IPO11: variants seen among roughly 807,000 people sequenced by gnomAD.
IPO11 encodes importin 11.
In IPO11, 66 loss-of-function variants were observed where a neutral mutation model predicts 143.2. The observed-to-expected ratio is 0.46, with a 90% CI of 0.38 to 0.57. IPO11 has a LOEUF of 0.57. Among genes scored for constraint, IPO11 ranks in the 20% least tolerant of loss-of-function variants. IPO11 has a pLI of 0.00. For synonymous variants in IPO11, 385 were observed against 377.8 expected (o/e 1.02, Z -0.22); for missense variants, 1,026 against 1,141.0 (o/e 0.90, Z 1.45).
At chr5:62,482,922 C>T (rs1242407436) in intron 9 of IPO11, among the ~76,000 whole-genome samples, 179 bp from the exon 10 acceptor site, 1 of 151,840 alleles carries the variant, frequency 6.6e-6, no homozygotes, top group Non-Finnish European at 1.5e-5. Flanking sequence ...TAACATAATC[C>T]TCATTATATG....
chr5:62,516,359 T>C (rs917251526), intron 20 of IPO11, among the ~76,000 whole-genome samples: 5 of 152,132 alleles, frequency 3.3e-5, no homozygotes, highest in African/African-American at 1.2e-4. Flanking sequence ...AGTGGCGCGA[T>C]CTTGGCTCAC....
At chr5:62,468,163 G>T (rs144607856) in intron 6 of IPO11, among the ~76,000 whole-genome samples, 280 of 152,200 alleles carry the variant, frequency 1.8e-3, no homozygotes, top group African/African-American at 6.5e-3. Flanking sequence ...TGATCCTCCT[G>T]CCTTGACCTC....
chr5:62,546,166 C>T (rs1358772865), intron 24 of IPO11, among the ~76,000 whole-genome samples: 1 of 152,202 alleles, frequency 6.6e-6, no homozygotes, highest in East Asian at 1.9e-4. Context: ...TATTGCAGCA[C>T]TATTCACAAT....
intron 1 of IPO11, among the ~76,000 whole-genome samples, chr5:62,430,270 G>A (rs1285972422): frequency 2.6e-5 from 4 of 152,120 alleles, no homozygotes; most frequent in Admixed American, 2.6e-4. Flanking sequence ...TTCCAAAGTC[G>A]CTGTTTTACA....
At chr5:62,566,014 T>TACC (rs1484099023) in intron 27 of IPO11, among the ~76,000 whole-genome samples, 1 of 152,218 alleles carries the variant, frequency 6.6e-6, no homozygotes, top group African/African-American at 2.4e-5. Context: ...ACATTTCCTT[T>TACC]ATCCAGTCTA....
intron 1 of IPO11, among the ~76,000 whole-genome samples, chr5:62,425,243 T>A (rs183216630): frequency 2.0e-5 from 3 of 152,296 alleles, no homozygotes; most frequent in African/African-American, 7.2e-5. Flanking sequence ...CCAACCCTCC[T>A]TGGGGGGAAA....
intron 27 of IPO11, among the ~76,000 whole-genome samples, chr5:62,586,703 A>T (rs1446230007): frequency 1.4e-5 from 2 of 144,258 alleles, no homozygotes; most frequent in East Asian, 2.0e-4. Context: ...GTGAGCTGAG[A>T]TCACGCCATT....
intron 27 of IPO11, 91 bp from the exon 28 acceptor site, chr5:62,591,481 TTTCTC>T (rs1324815415): frequency 2.9e-6 from 2 of 678,862 alleles, no homozygotes; most frequent in Admixed American, 6.9e-5. Context: ...ACAGCTGAAA[TTTCTC>T]TTCATGTTCG....
chr5:62,435,156 ATATATGTATATATATG>A (rs1744158097), intron 1 of IPO11, among the ~76,000 whole-genome samples: 1 of 118,214 alleles, frequency 8.5e-6, no homozygotes, highest in African/African-American at 3.6e-5. Context: ...ATATATGTAT[ATATATGTATATATATG>A]TATATATGTA....
chr5:62,537,163 A>G, intron 23 of IPO11, 46 bp from the exon 24 acceptor site: 1 of 1,118,140 alleles, frequency 8.9e-7, no homozygotes, highest in Non-Finnish European at 1.3e-6. Flanking sequence ...CCTTTTTGAT[A>G]TTACAGATAT....
chr5:62,620,516 CTAAAAA>C (rs1267524920), intron 29 of IPO11, among the ~76,000 whole-genome samples: 1 of 79,118 alleles, frequency 1.3e-5, no homozygotes, highest in Non-Finnish European at 2.3e-5. Flanking sequence ...GAGACTCTGT[CTAAAAA>C]AAAAAAAAAA....
intron 27 of IPO11, among the ~76,000 whole-genome samples, chr5:62,579,136 G>C (rs574747972): frequency 1.0e-3 from 158 of 152,044 alleles, no homozygotes; most frequent in Non-Finnish European, 1.1e-3. Context: ...CACCTGTGTT[G>C]TAATCAATTG....
chr5:62,559,244 A>G (rs1743683278), intron 26 of IPO11, among the ~76,000 whole-genome samples: 1 of 152,130 alleles, frequency 6.6e-6, no homozygotes, highest in South Asian at 2.1e-4. Context: ...GATTGACTCC[A>G]GTTGTGACAG....
chr5:62,519,841 C>T (rs768238481), intron 20 of IPO11, among the ~76,000 whole-genome samples: 32 of 152,272 alleles, frequency 2.1e-4, no homozygotes, highest in African/African-American at 6.5e-4. Flanking sequence ...AATCTGTTTC[C>T]GTACTCATTC....
intron 20 of IPO11, among the ~76,000 whole-genome samples, chr5:62,525,287 TAC>T (rs1345151530): frequency 6.6e-6 from 1 of 152,204 alleles, no homozygotes; most frequent in African/African-American, 2.4e-5. Context: ...GGAATTGTTA[TAC>T]ACACTTCTGC....
rs1278285234 is a variant in IPO11, at chr5:62,478,149, G to GT, written c.828+1397dup. On this transcript the variant is annotated intron_variant, in intron 9 of 29. Coordinates refer to ENST00000325324, the MANE Select transcript of IPO11 (RefSeq NM_016338.5). Reference sequence around the variant, plus strand: ...ATATTTGAGTGCGTGTCTTTAAGTGGTAGGGTTGTTTTGTTTTGTGTGTGT... The same window carrying GT: ...ATATTTGAGTGCGTGTCTTTAAGTGGTTAGGGTTGTTTTGTTTTGTGTGTGT... 1.2e-4 allele frequency among the ~76,000 whole-genome samples: 18 copies of GT among 151,956 alleles called. No individual in the cohort carries two copies. The East Asian group carries it at 3.3e-3, about 28-fold the overall frequency.
intron 5 of IPO11, among the ~76,000 whole-genome samples, chr5:62,454,293 A>C (rs553581600): frequency 5.3e-5 from 8 of 152,242 alleles, no homozygotes; most frequent in Non-Finnish European, 1.0e-4. Flanking sequence ...TCACTCACTC[A>C]AGTCTTTCTG....
intron 7 of IPO11, among the ~76,000 whole-genome samples, chr5:62,472,547 T>TG: frequency 6.9e-6 from 1 of 144,254 alleles, no homozygotes; most frequent in Non-Finnish European, 1.5e-5. Context: ...TTTTTTTTTT[T>TG]GAGACAGTCT....
At chr5:62,496,451 A>G (rs1316694288) in intron 16 of IPO11, among the ~76,000 whole-genome samples, 1 of 152,128 alleles carries the variant, frequency 6.6e-6, no homozygotes, top group Non-Finnish European at 1.5e-5. Flanking sequence ...TGTTTTGCAT[A>G]TGTTTTATAC....
Sources: gnomAD v4.1 joint callset for allele counts (sites outside exome capture counted in the v4.1 genomes callset) on GRCh38, gnomAD v4.1.1 for gene constraint, MANE v1.5 for transcripts, NCBI Gene and HGNC (gene_info 2026-07-23, HGNC 2026-07-21) for gene names.